Variants in CNBD1 observed in about 807,000 individuals in gnomAD.
The protein encoded by CNBD1 is cyclic nucleotide binding domain containing 1, also known as cyclic nucleotide-binding domain-containing protein 1.
Under a neutral mutation model 54.4 loss-of-function variants are expected in CNBD1, and 71 were observed. The ratio of observed to expected loss-of-function variants is 1.30; its 90% CI spans 1.08 to 1.59. The LOEUF is 1.59. Among genes scored for constraint, CNBD1 ranks in the 40% most tolerant of loss-of-function variants. The pLI is 0.00. For synonymous variants in CNBD1, 182 were observed against 170.7 expected (o/e 1.07, Z -0.51); for missense variants, 659 against 518.0 (o/e 1.27, Z -2.64).
chr8:87,401,884 G>T (rs538163396), intron 2 of CNBD1, among the ~76,000 whole-genome samples: 1 of 151,940 alleles, frequency 6.6e-6, no homozygotes, highest in East Asian at 1.9e-4. Context: ...ATGATATAAG[G>T]GCCCTCTCTT....
In CNBD1 at chr8:87,320,935, A is replaced by G. The variant is rs1463525592; in HGVS notation, c.1043-30750A>G. 2.6e-5 allele frequency among the ~76,000 whole-genome samples: 4 copies of G among 152,034 alleles called. No individual in the cohort carries two copies. In the East Asian group the frequency reaches 7.7e-4, roughly 29 times the overall value. On this transcript the variant is annotated intron_variant, in intron 8 of 10. Transcript: ENST00000518476. ...TGCTATCAATATGGCTATTTTAGAC[A>G]CCTCATATTAGTGGAATCATGCAGT...
chr8:87,025,132 A>G (rs1489275310), intron 4 of CNBD1, among the ~76,000 whole-genome samples: 1 of 152,144 alleles, frequency 6.6e-6, no homozygotes, highest in Non-Finnish European at 1.5e-5. Flanking sequence ...TGCACCAATC[A>G]GCGCTCTGTG....
intron 3 of CNBD1, among the ~76,000 whole-genome samples, chr8:86,913,417 T>C (rs1203515067): frequency 6.6e-6 from 1 of 152,174 alleles, no homozygotes; most frequent in Non-Finnish European, 1.5e-5. Context: ...CCCCGATAAT[T>C]CTTCATTATT....
chr8:87,130,637 G>T (rs1563480108), intron 4 of CNBD1, among the ~76,000 whole-genome samples: 1 of 152,010 alleles, frequency 6.6e-6, no homozygotes, highest in African/African-American at 2.4e-5. Flanking sequence ...AAATGGCTGG[G>T]TATGGTGGTA....
At chr8:87,144,506 C>G (rs551301378) in intron 4 of CNBD1, among the ~76,000 whole-genome samples, 1 of 152,078 alleles carries the variant, frequency 6.6e-6, no homozygotes, top group African/African-American at 2.4e-5. Context: ...TCAATAATGT[C>G]TTGGTAGGTT....
At position 87,368,895 on chromosome 8, in the gene CNBD1, C is replaced by T. The variant is rs150151125; in HGVS notation, c.1304-13725C>T. Among the ~76,000 whole-genome samples the T allele has an allele frequency of 7.3e-4, 111 of 151,988 alleles. 2 individuals are homozygous for T. In the East Asian group the frequency reaches 0.019, roughly 26 times the overall value. ...TGGCCAACTGAAAATGCCAGGCCCG[C>T]TTCCAAATGTCAGATTCGGCTTCCC... On this transcript the variant is annotated intron_variant, in intron 10 of 10. Transcript: ENST00000518476.
chr8:86,885,468 T>C (rs1014444889), intron 1 of CNBD1, among the ~76,000 whole-genome samples: 1 of 152,162 alleles, frequency 6.6e-6, no homozygotes, highest in Admixed American at 6.5e-5. Context: ...TCTTTTCTGC[T>C]TCTGTCAAAA....
intron 4 of CNBD1, among the ~76,000 whole-genome samples, chr8:87,176,964 A>G (rs1459401998): frequency 6.6e-6 from 1 of 152,136 alleles, no homozygotes; most frequent in Non-Finnish European, 1.5e-5. Context: ...TAGGAAGAAA[A>G]TGATATCTAG....
At chr8:87,422,041 C>G (rs200839472) in intron 2 of CNBD1, among the ~76,000 whole-genome samples, 2 of 147,836 alleles carry the variant, frequency 1.4e-5, no homozygotes, top group African/African-American at 5.1e-5. Context: ...ATGAGCATTT[C>G]TTCATGTGTT....
chr8:87,298,807 T>C (rs549556253), intron 8 of CNBD1, among the ~76,000 whole-genome samples: 1 of 152,236 alleles, frequency 6.6e-6, no homozygotes, highest in South Asian at 2.1e-4. Context: ...GTTTCTTTGC[T>C]TTGTCCAGAA....
At chr8:86,895,645 G>A (rs1808838273) in intron 2 of CNBD1, among the ~76,000 whole-genome samples, 1 of 152,120 alleles carries the variant, frequency 6.6e-6, no homozygotes, top group Non-Finnish European at 1.5e-5. Context: ...AGGCATTCTA[G>A]TAAATGTGTA....
chr8:87,004,825 C>G (rs774173291), intron 4 of CNBD1, among the ~76,000 whole-genome samples: 20 of 152,114 alleles, frequency 1.3e-4, no homozygotes, highest in Non-Finnish European at 2.2e-4. Context: ...CTTTGTAATT[C>G]ATACCACTCT....
At chr8:87,242,862 G>C (rs189936773) in intron 6 of CNBD1, among the ~76,000 whole-genome samples, 1 of 152,148 alleles carries the variant, frequency 6.6e-6, no homozygotes, top group Admixed American at 6.5e-5. Context: ...TTCTTAATGG[G>C]AATAAATCCC....
intron 4 of CNBD1, among the ~76,000 whole-genome samples, chr8:86,943,499 G>C (rs1807389083): frequency 6.6e-6 from 1 of 151,710 alleles, no homozygotes; most frequent in Non-Finnish European, 1.5e-5. Context: ...CATGTCAGCA[G>C]CTCTGAGTAA....
At chr8:87,250,651 T>C (rs1807897040) in intron 6 of CNBD1, among the ~76,000 whole-genome samples, 1 of 152,182 alleles carries the variant, frequency 6.6e-6, no homozygotes, top group Non-Finnish European at 1.5e-5. Flanking sequence ...ATAAAAAGAA[T>C]GAAATCCTAT....
At chr8:87,218,004 G>T (rs1474514468) in intron 5 of CNBD1, among the ~76,000 whole-genome samples, 3 of 151,944 alleles carry the variant, frequency 2.0e-5, no homozygotes, top group African/African-American at 7.2e-5. Context: ...ACCTTCTTTT[G>T]GTGGTATAGG....
Position 86,989,307 on chromosome 8 carries a change from A to ACATACATG in CNBD1, c.431+49560_431+49561insGCATACAT, listed in dbSNP as rs201045794. Among the ~76,000 whole-genome samples, 266 of 149,926 alleles carry ACATACATG rather than the reference A, an allele frequency of 1.8e-3. 7 individuals are homozygous for ACATACATG. In the East Asian group the frequency reaches 0.042, roughly 24 times the overall value. The stretch of plus-strand genomic sequence containing the variant: ...AGACAGCATCTCAAAACAAATAAAT[A>ACATACATG]CATACATACATACATACATACATAC... On this transcript the variant is annotated intron_variant, in intron 4 of 10. Coordinates refer to ENST00000518476, the MANE Select transcript of CNBD1 (RefSeq NM_173538.3).
chr8:86,941,438 T>C (rs913138660), intron 4 of CNBD1, among the ~76,000 whole-genome samples: 1 of 152,216 alleles, frequency 6.6e-6, no homozygotes, highest in Admixed American at 6.5e-5. Context: ...ATTCCAAAAT[T>C]TTAGTTTCCA....
chr8:87,197,618 T>C (rs757985474), intron 4 of CNBD1, among the ~76,000 whole-genome samples: 2 of 152,136 alleles, frequency 1.3e-5, no homozygotes, highest in African/African-American at 2.4e-5. Context: ...TGGATACTCA[T>C]GTAGAAAGTC....
Sources: gnomAD v4.1 joint callset for allele counts (sites outside exome capture counted in the v4.1 genomes callset) on GRCh38, gnomAD v4.1.1 for gene constraint, MANE v1.5 for transcripts, NCBI Gene and HGNC (gene_info 2026-07-23, HGNC 2026-07-21) for gene names.